MTIF2: variants seen among roughly 807,000 people sequenced by gnomAD.
The protein encoded by MTIF2 is mitochondrial translational initiation factor 2.
A neutral mutation model predicts 83.5 loss-of-function variants in MTIF2; 71 were observed. That is an observed-to-expected ratio of 0.85 (90% CI 0.70 to 1.04). The LOEUF (loss-of-function observed/expected upper bound fraction) is 1.04. Ranked by LOEUF, MTIF2 falls within the 50% of genes least tolerant of loss-of-function variation. MTIF2 has a pLI of 0.00. For missense variants in MTIF2, 957 were observed against 846.5 expected (o/e 1.13, Z -1.62); for synonymous variants, 319 against 287.1 (o/e 1.11, Z -1.12).
chr2:55,251,973 A>T (rs1289233198), intron 8 of MTIF2, among the ~76,000 whole-genome samples: 1 of 152,200 alleles, frequency 6.6e-6, no homozygotes, highest in Non-Finnish European at 1.5e-5. Context: ...TAACTTTTAA[A>T]TGAAGAAATA....
Position 55,244,049 on chromosome 2 carries a change from T to C in MTIF2, c.1291A>G (p.Ile431Val), listed in dbSNP as rs916943360. Residue 431 changes from isoleucine to valine, a missense_variant, in exon 11 of 16, where the codon ATT (isoleucine) becomes GTT (valine). By Grantham distance (29) the Ile-to-Val change is conservative. This residue lies in a region of MTIF2 where 733 missense variants were observed against 648.7 expected (regional missense o/e 1.13). Transcript: ENST00000263629. Reference sequence around the variant, plus strand: ...TACACCTCAGATTCTACTTCAAGAATTTCTTCTCCTGCAGAAGGAAGGTCT... The same window carrying C: ...TACACCTCAGATTCTACTTCAAGAACTTCTTCTCCTGCAGAAGGAAGGTCT... ...WRDLPSAGEE[I>V]LEVESEPRAR... 27 of 1,613,974 alleles carry C rather than the reference T, an allele frequency of 1.7e-5. No individual in the cohort carries two copies. The highest frequency in any genetic ancestry group is 2.2e-5 in the Non-Finnish European group (26 of 1,179,986).
intron 5 of MTIF2, among the ~76,000 whole-genome samples, chr2:55,258,023 C>T (rs955890702): frequency 6.6e-6 from 1 of 152,168 alleles, no homozygotes; most frequent in African/African-American, 2.4e-5. Flanking sequence ...AACTCTTGGG[C>T]TCAAGCGATA....
chr2:55,263,297 G>A (rs1421107673), intron 4 of MTIF2, among the ~76,000 whole-genome samples: 1 of 152,096 alleles, frequency 6.6e-6, no homozygotes, highest in Middle Eastern at 3.2e-3. Context: ...CAATTAACCG[G>A]AACTTCCCTT....
intron 5 of MTIF2, among the ~76,000 whole-genome samples, chr2:55,258,051 G>C (rs1280560164): frequency 6.6e-6 from 1 of 152,178 alleles, no homozygotes; most frequent in South Asian, 2.1e-4. Context: ...CTCAGCCTCT[G>C]AAAGTGCTGG....
At chr2:55,243,224 T>C in intron 12 of MTIF2, 144 bp from the exon 13 acceptor site, 1 of 1,037,054 alleles carries the variant, frequency 9.6e-7, no homozygotes, top group Non-Finnish European at 1.4e-6. Context: ...ATTACACATA[T>C]CTACTTGACT....
chr2:55,250,202 C>G (rs766315262), intron 8 of MTIF2, among the ~76,000 whole-genome samples: 7 of 152,068 alleles, frequency 4.6e-5, no homozygotes, highest in Non-Finnish European at 8.8e-5. Flanking sequence ...GTCTTGCAGC[C>G]AGCCCTGCAG....
At chr2:55,238,056 T>A (rs1334153782) in intron 14 of MTIF2, among the ~76,000 whole-genome samples, 1 of 151,966 alleles carries the variant, frequency 6.6e-6, no homozygotes, top group Non-Finnish European at 1.5e-5. Context: ...TCTGTTATTT[T>A]TTAAAAAAAA....
At chr2:55,266,212 T>A (rs755745092) in intron 3 of MTIF2, among the ~76,000 whole-genome samples, 9 of 152,166 alleles carry the variant, frequency 5.9e-5, no homozygotes, top group African/African-American at 2.2e-4. Flanking sequence ...TGAACAAAAT[T>A]ATAAACTTTT....
At chr2:55,260,760 C>G (rs1677907690) in intron 5 of MTIF2, among the ~76,000 whole-genome samples, 1 of 152,122 alleles carries the variant, frequency 6.6e-6, no homozygotes, top group South Asian at 2.1e-4. Flanking sequence ...ATATGAGTCA[C>G]TATTAATTCT....
intron 5 of MTIF2, among the ~76,000 whole-genome samples, chr2:55,257,832 G>C (rs761299383): frequency 3.7e-4 from 57 of 152,300 alleles, no homozygotes; most frequent in Non-Finnish European, 6.6e-4. Context: ...GTCTCAGTCT[G>C]TCGCCCTGGC....
chr2:55,241,524 A>C (rs1676308387), intron 13 of MTIF2, among the ~76,000 whole-genome samples: 1 of 151,712 alleles, frequency 6.6e-6, no homozygotes, highest in South Asian at 2.1e-4. Context: ...AGAAAAACAC[A>C]ATCACCTTGA....
chr2:55,249,782 G>C (rs1647330106), intron 8 of MTIF2, among the ~76,000 whole-genome samples: 1 of 150,414 alleles, frequency 6.6e-6, no homozygotes, highest in African/African-American at 2.4e-5. Flanking sequence ...ACAGACACCT[G>C]AGATTATCAA....
At chr2:55,236,926 AT>A in intron 15 of MTIF2, 106 bp from the exon 16 acceptor site, 1 of 948,148 alleles carries the variant, frequency 1.1e-6, no homozygotes, top group Non-Finnish European at 1.4e-6. Flanking sequence ...ATTCTTAAAA[AT>A]TTTATGGTCT....
chr2:55,252,680 C>G (rs369471120), intron 7 of MTIF2, 27 bp from the exon 8 acceptor site: 7 of 1,582,290 alleles, frequency 4.4e-6, no homozygotes, highest in Non-Finnish European at 6.1e-6. Flanking sequence ...TCAAGAACAT[C>G]AAGGATTCAA....
In MTIF2 at chr2:55,237,375, G is replaced by T. The variant is rs751176152; in HGVS notation, c.1924C>A (p.Pro642Thr). The T allele has an allele frequency of 1.3e-4, 210 of 1,612,638 alleles. No homozygotes were observed. Among genetic ancestry groups the T allele is most frequent in the Non-Finnish European group, 1.7e-4 (203 of 1,179,888 alleles). ...FSVTEGKKKV[P>T]VAGCRVQKGQ... ...TTTTGGACTCTGCAGCCAGCCACAG[G>T]AACTTTTTTCTTCCCTTCTGTTACA... Residue 642 changes from proline (P) to threonine (T), a missense_variant, in exon 15 of 16, where the codon CCT becomes ACT. Physicochemically the swap from Pro to Thr is conservative, Grantham distance 38. Around this residue, in one of 3 missense-constraint regions of MTIF2, gnomAD observed 221 missense variants for 180.6 expected, o/e 1.22. Coordinates refer to ENST00000263629, the MANE Select transcript of MTIF2 (RefSeq NM_002453.3).
chr2:55,266,159 T>G (rs1678411030), intron 3 of MTIF2, among the ~76,000 whole-genome samples: 1 of 152,124 alleles, frequency 6.6e-6, no homozygotes, highest in Non-Finnish European at 1.5e-5. Context: ...ATGGAAATTA[T>G]GAACTATTTC....
chr2:55,258,537 C>T (rs952886163), intron 5 of MTIF2, among the ~76,000 whole-genome samples: 27 of 151,964 alleles, frequency 1.8e-4, no homozygotes, highest in African/African-American at 4.6e-4. Context: ...GGCGGCTGGG[C>T]GCAGTAGCTC....
At chr2:55,246,217 G>T in intron 10 of MTIF2, 120 bp downstream of exon 10, 3 of 1,178,480 alleles carry the variant, frequency 2.5e-6, no homozygotes, top group Non-Finnish European at 3.5e-6. Context: ...TAAAACAAAT[G>T]CTTTGAAAAT....
chr2:55,265,293 T>C (rs1678348905), intron 3 of MTIF2, among the ~76,000 whole-genome samples: 1 of 150,628 alleles, frequency 6.6e-6, no homozygotes, highest in African/African-American at 2.4e-5. Context: ...TTAGGAAACA[T>C]TTCCTAAGTA....
Sources: gnomAD v4.1 joint callset for allele counts (sites outside exome capture counted in the v4.1 genomes callset) on GRCh38, gnomAD v4.1.1 for gene constraint, gnomAD v4.1.1 regional missense constraint, MANE v1.5 for transcripts, NCBI Gene and HGNC (gene_info 2026-07-23, HGNC 2026-07-21) for gene names.